The following CHD7 variants were observed in gnomAD, a reference collection of about 807,000 sequenced individuals.
CHD7 encodes ATP-dependent chromatin remodeler CHD7.
In CHD7, 24 loss-of-function variants were observed where a neutral mutation model predicts 307.3. That is an observed-to-expected ratio of 0.08 (90% CI 0.06 to 0.11). The LOEUF (loss-of-function observed/expected upper bound fraction) is 0.11, where lower values mean the gene tolerates loss of function less well. Among genes scored for constraint, CHD7 ranks in the 10% least tolerant of loss-of-function variants. The pLI, the probability that CHD7 is intolerant of heterozygous loss-of-function variation, is 1.00. For missense variants in CHD7, 3,106 were observed against 3,727.1 expected (o/e 0.83, Z 4.34); for synonymous variants, 1,363 against 1,349.9 (o/e 1.01, Z -0.21).
At position 60,758,446 on chromosome 8, in the gene CHD7, A is replaced by G. The variant is rs573603145; in HGVS notation, c.1665+15349A>G. Among the ~76,000 whole-genome samples the G allele has an allele frequency of 3.9e-5, 6 of 152,268 alleles. No individual in the cohort carries two copies. The South Asian group carries it at 1.0e-3, about 26-fold the overall frequency. On this transcript the variant is annotated intron_variant, in intron 2 of 37. Coordinates refer to ENST00000423902, the MANE Select transcript of CHD7 (RefSeq NM_017780.4). ...GTCTACAATATTTTTTAAAAATCAC[A>G]TTTGTTGGTATTACCACTGACTTCT... is the stretch of plus-strand genomic sequence containing the variant.
intron 2 of CHD7, among the ~76,000 whole-genome samples, chr8:60,749,370 CAAA>C (rs55661758): frequency 5.7e-4 from 32 of 56,302 alleles, no homozygotes; most frequent in African/African-American, 7.1e-4. Context: ...GACTCTGTAT[CAAA>C]AAAAAAAAAA....
At chr8:60,704,203 A>G (rs1328360933) in intron 1 of CHD7, among the ~76,000 whole-genome samples, 1 of 152,144 alleles carries the variant, frequency 6.6e-6, no homozygotes, top group African/African-American at 2.4e-5. Context: ...TTTTGTGTTT[A>G]TTAATCCAAA....
chr8:60,861,261 G>A (rs1031029229), intron 35 of CHD7, 136 bp downstream of exon 35: 3 of 659,116 alleles, frequency 4.6e-6, no homozygotes, highest in African/African-American at 1.8e-5. Context: ...CATTTCCCAG[G>A]TCTTTGTTGT....
In CHD7 at chr8:60,856,691, T is replaced by C. The variant is rs769178123; in HGVS notation, c.7411T>C (p.Ser2471Pro). The part of the protein sequence containing the change: ...LSSKFILPNV[S>P]TPVSDAFKTQ... ...TTCAAAGTTTATCTTGCCTAATGTC[T>C]CAACACCAGTGTCTGATGCCTTTAA... Residue 2471 changes from serine (S) to proline (P), a missense_variant, in exon 34 of 38, where the codon TCA becomes CCA. Physicochemically the swap from Ser to Pro is moderately conservative, Grantham distance 74. Transcript: ENST00000423902. 23 of 1,613,922 alleles carry C rather than the reference T, an allele frequency of 1.4e-5. No individual in the cohort carries two copies. The highest frequency in any genetic ancestry group is 1.6e-5 in the Non-Finnish European group (19 of 1,179,896).
chr8:60,684,078 GA>G (rs1391442796), intron 1 of CHD7, among the ~76,000 whole-genome samples: 1 of 152,120 alleles, frequency 6.6e-6, no homozygotes, highest in Non-Finnish European at 1.5e-5. Context: ...TGTTTTTTCA[GA>G]GAAGGATTTT....
intron 1 of CHD7, among the ~76,000 whole-genome samples, chr8:60,699,581 C>T (rs899515449): frequency 1.3e-5 from 2 of 151,864 alleles, no homozygotes; most frequent in African/African-American, 4.8e-5. Flanking sequence ...CTGTCTGTCC[C>T]ATTGCTATGG....
At chr8:60,727,218 C>G (rs1157419942) in intron 1 of CHD7, among the ~76,000 whole-genome samples, 1 of 152,092 alleles carries the variant, frequency 6.6e-6, no homozygotes, top group Non-Finnish European at 1.5e-5. Context: ...CCTCGACCTC[C>G]AAGGCTCAAG....
Position 60,775,611 on chromosome 8 carries a change from A to T in CHD7, c.1666-5389A>T, listed in dbSNP as rs181923711. On this transcript the variant is annotated intron_variant, in intron 2 of 37. Transcript: ENST00000423902. ...TAATCAAAAGTATATTTTGAAGGAC[A>T]TTTTAATTCAAGATCTTCATGGAAA... Among the ~76,000 whole-genome samples the T allele has an allele frequency of 2.0e-5, 3 of 152,326 alleles. No individual in the cohort carries two copies. The East Asian group carries it at 5.8e-4, about 29-fold the overall frequency.
At chr8:60,840,224 A>G (rs1223208179) in intron 19 of CHD7, among the ~76,000 whole-genome samples, 1 of 152,208 alleles carries the variant, frequency 6.6e-6, no homozygotes. Flanking sequence ...AGCCGCTCCA[A>G]TCTGGAAAGG....
At chr8:60,776,898 A>G (rs1263490770) in intron 2 of CHD7, among the ~76,000 whole-genome samples, 1 of 152,194 alleles carries the variant, frequency 6.6e-6, no homozygotes, top group Non-Finnish European at 1.5e-5. Context: ...TGTGTCTCCA[A>G]AGCCATTTTT....
intron 3 of CHD7, among the ~76,000 whole-genome samples, chr8:60,791,996 G>A (rs1811796350): frequency 6.6e-6 from 1 of 152,162 alleles, no homozygotes; most frequent in Non-Finnish European, 1.5e-5. Context: ...TTTTTCACAT[G>A]GGTGTGGATG....
At chr8:60,715,954 A>G (rs1807577201) in intron 1 of CHD7, among the ~76,000 whole-genome samples, 1 of 152,146 alleles carries the variant, frequency 6.6e-6, no homozygotes, top group Admixed American at 6.5e-5. Flanking sequence ...AGCCTACTTC[A>G]TAGGACTTTG....
At chr8:60,737,224 T>C (rs1292269342) in intron 1 of CHD7, among the ~76,000 whole-genome samples, 1 of 152,188 alleles carries the variant, frequency 6.6e-6, no homozygotes, top group Non-Finnish European at 1.5e-5. Context: ...GCTTGTTTCC[T>C]AAAAGTTATA....
At chr8:60,846,076 A>G (rs1477059737) in intron 23 of CHD7, among the ~76,000 whole-genome samples, 1 of 152,204 alleles carries the variant, frequency 6.6e-6, no homozygotes, top group Admixed American at 6.5e-5. Flanking sequence ...CATTGTGTGT[A>G]TATGCCACGT....
At chr8:60,858,964 C>CACAAAAAATA (rs1805842780) in intron 34 of CHD7, among the ~76,000 whole-genome samples, 1 of 152,196 alleles carries the variant, frequency 6.6e-6, no homozygotes, top group Non-Finnish European at 1.5e-5. Context: ...ATGCAACACA[C>CACAAAAAATA]GTGCTTTTTT....
intron 35 of CHD7, chr8:60,861,962 G>T (rs565192534): frequency 1.8e-5 from 6 of 331,560 alleles, no homozygotes; most frequent in African/African-American, 8.6e-5. Flanking sequence ...TTTAAGTGAG[G>T]TTATTGATAG....
chr8:60,807,748 A>G (rs1311328389), intron 6 of CHD7, among the ~76,000 whole-genome samples: 1 of 152,264 alleles, frequency 6.6e-6, no homozygotes, highest in Non-Finnish European at 1.5e-5. Context: ...TATTAAGTAT[A>G]TGGAGAAATA....
At chr8:60,783,689 A>T (rs1333362491) in intron 3 of CHD7, among the ~76,000 whole-genome samples, 1 of 152,164 alleles carries the variant, frequency 6.6e-6, no homozygotes, top group African/African-American at 2.4e-5. Context: ...AAATAATTGG[A>T]TGGAACACGT....
chr8:60,775,383 T>A (rs1166291383), intron 2 of CHD7, among the ~76,000 whole-genome samples: 1 of 152,246 alleles, frequency 6.6e-6, no homozygotes, highest in Admixed American at 6.5e-5. Context: ...TAACTTAAAT[T>A]GAGAATAAAA....
Sources: gnomAD v4.1 joint callset for allele counts (sites outside exome capture counted in the v4.1 genomes callset) on GRCh38, gnomAD v4.1.1 for gene constraint, MANE v1.5 for transcripts, NCBI Gene and HGNC (gene_info 2026-07-23, HGNC 2026-07-21) for gene names.